The following SUSD3 variants were observed in gnomAD, a reference collection of about 807,000 sequenced individuals.
The protein encoded by SUSD3 is sushi domain containing 3.
Under a neutral mutation model 20.6 loss-of-function variants are expected in SUSD3, and 18 were observed. That is an observed-to-expected ratio of 0.87 (90% CI 0.60 to 1.30). The LOEUF (loss-of-function observed/expected upper bound fraction) is 1.30, where lower values mean the gene tolerates loss of function less well. Ranked by LOEUF, SUSD3 falls within the 50% of genes most tolerant of loss-of-function variation. SUSD3 has a pLI of 0.00. For synonymous variants in SUSD3, 137 were observed against 141.5 expected (o/e 0.97, Z 0.23); for missense variants, 306 against 346.9 (o/e 0.88, Z 0.94).
intron 1 of SUSD3, among the ~76,000 whole-genome samples, chr9:93,073,616 A>G (rs1467940314): frequency 1.3e-5 from 2 of 152,156 alleles, no homozygotes; most frequent in East Asian, 1.9e-4. Context: ...GAAATACCAG[A>G]TAAGCAGGAG....
At chr9:93,082,879 T>C (rs1012734905) in intron 4 of SUSD3, among the ~76,000 whole-genome samples, 2 of 152,206 alleles carry the variant, frequency 1.3e-5, no homozygotes, top group African/African-American at 4.8e-5. Context: ...CCGCAGGGGC[T>C]TTGCTGGCCA....
chr9:93,068,954 A>G, intron 1 of SUSD3: 1 of 545,070 alleles, frequency 1.8e-6, no homozygotes, highest in South Asian at 2.7e-5. Context: ...GATAACCAGT[A>G]ATAAGTTATA....
chr9:93,070,937 G>A (rs372960486), intron 1 of SUSD3, among the ~76,000 whole-genome samples: 2 of 152,176 alleles, frequency 1.3e-5, no homozygotes, highest in South Asian at 2.1e-4. Flanking sequence ...GGGGCCCCAA[G>A]TGGACCAGCC....
intron 2 of SUSD3, among the ~76,000 whole-genome samples, chr9:93,076,824 A>T (rs1826186432): frequency 6.6e-6 from 1 of 152,218 alleles, no homozygotes; most frequent in South Asian, 2.1e-4. Flanking sequence ...CTTCCCTGGC[A>T]TGGCTCTGCT....
chr9:93,078,409 C>T (rs1826263397), intron 3 of SUSD3, among the ~76,000 whole-genome samples: 2 of 152,186 alleles, frequency 1.3e-5, no homozygotes, highest in Admixed American at 1.3e-4. Context: ...TAGGTATGTA[C>T]CACCACACTC....
chr9:93,079,971 T>C (rs1826341959), intron 4 of SUSD3, among the ~76,000 whole-genome samples: 1 of 152,128 alleles, frequency 6.6e-6, no homozygotes, highest in East Asian at 1.9e-4. Flanking sequence ...TCTCTCTTAA[T>C]ACACACATAC....
intron 1 of SUSD3, among the ~76,000 whole-genome samples, chr9:93,075,210 T>A (rs1826079908): frequency 6.6e-6 from 1 of 152,192 alleles, no homozygotes; most frequent in Non-Finnish European, 1.5e-5. Flanking sequence ...TGGTTTTTTT[T>A]AAACTGAATA....
intron 1 of SUSD3, among the ~76,000 whole-genome samples, chr9:93,060,508 G>T (rs1195144235): frequency 6.6e-6 from 1 of 152,144 alleles, no homozygotes; most frequent in Non-Finnish European, 1.5e-5. Flanking sequence ...GAGGCTGGGG[G>T]GTTGGGAGCC....
At chr9:93,069,574 G>A (rs1343688510) in intron 1 of SUSD3, among the ~76,000 whole-genome samples, 1 of 151,960 alleles carries the variant, frequency 6.6e-6, no homozygotes, top group Non-Finnish European at 1.5e-5. Flanking sequence ...TATTCTTTTT[G>A]ATGCTGTTGT....
At chr9:93,082,057 C>T (rs1021352708) in intron 4 of SUSD3, among the ~76,000 whole-genome samples, 2 of 152,216 alleles carry the variant, frequency 1.3e-5, no homozygotes, top group African/African-American at 4.8e-5. Context: ...GTAACTGCAT[C>T]ATCACTGAGT....
chr9:93,069,147 T>A (rs1274544523), intron 1 of SUSD3: 5 of 702,820 alleles, frequency 7.1e-6, no homozygotes, highest in Admixed American at 2.0e-5. Flanking sequence ...CAGAGATAAT[T>A]TGTAAGTTTT....
intron 1 of SUSD3, among the ~76,000 whole-genome samples, chr9:93,073,244 C>CTT (rs573555207): frequency 0.019 from 2,356 of 123,880 alleles, 61 homozygotes; most frequent in African/African-American, 0.034. Context: ...TGTCCCTGTT[C>CTT]TTTTTTTTTT....
At chr9:93,075,490 A>C (rs1457205989) in intron 1 of SUSD3, among the ~76,000 whole-genome samples, 1 of 137,738 alleles carries the variant, frequency 7.3e-6, no homozygotes, top group East Asian at 2.1e-4. Flanking sequence ...GCCATGCCTC[A>C]GTGTCTCAGG....
intron 1 of SUSD3, among the ~76,000 whole-genome samples, chr9:93,067,560 G>C (rs1207911875): frequency 5.3e-5 from 8 of 151,126 alleles, no homozygotes; most frequent in Non-Finnish European, 1.2e-4. Flanking sequence ...TGAGGTGCCA[G>C]TTTCTCCACA....
chr9:93,074,089 G>A lies in SUSD3; in HGVS notation c.89-1695G>A, dbSNP rs577765183. On this transcript the variant is annotated intron_variant, in intron 1 of 4. Transcript: ENST00000375472. ...AATCTTCTCAGTCCCAGCTGTTGTCGTTATAATTTTATAAAAATTCTTGAT... is the reference window on the plus strand; with the variant it reads ...AATCTTCTCAGTCCCAGCTGTTGTCATTATAATTTTATAAAAATTCTTGAT... Among the ~76,000 whole-genome samples, 15 of 152,208 alleles carry A rather than the reference G, an allele frequency of 9.9e-5. No individual in the cohort carries two copies. The South Asian group carries it at 1.9e-3, about 19-fold the overall frequency.
At chr9:93,073,244 C>CTTTTT (rs573555207) in intron 1 of SUSD3, among the ~76,000 whole-genome samples, 3 of 123,904 alleles carry the variant, frequency 2.4e-5, no homozygotes, top group South Asian at 2.8e-4. Flanking sequence ...TGTCCCTGTT[C>CTTTTT]TTTTTTTTTT....
chr9:93,058,862 G>A (rs942303311), intron 1 of SUSD3, 32 bp downstream of exon 1: 6 of 1,214,440 alleles, frequency 4.9e-6, no homozygotes, highest in Non-Finnish European at 6.3e-6. Context: ...CCGCGTGCGG[G>A]GCTCTGCGCC....
intron 1 of SUSD3, among the ~76,000 whole-genome samples, chr9:93,060,686 A>T (rs186677629): frequency 3.3e-4 from 50 of 152,174 alleles, no homozygotes; most frequent in Non-Finnish European, 6.0e-4. Flanking sequence ...CAAAAAAAAA[A>T]TTAGCTGAGC....
chr9:93,082,709 C>T (rs1027525022), intron 4 of SUSD3, among the ~76,000 whole-genome samples: 1 of 152,140 alleles, frequency 6.6e-6, no homozygotes, highest in Non-Finnish European at 1.5e-5. Context: ...TTCAGAGCTC[C>T]TCCATTGCCC....
Sources: gnomAD v4.1 joint callset for allele counts (sites outside exome capture counted in the v4.1 genomes callset) on GRCh38, gnomAD v4.1.1 for gene constraint, MANE v1.5 for transcripts, NCBI Gene and HGNC (gene_info 2026-07-23, HGNC 2026-07-21) for gene names.